PLD1: variants seen among roughly 807,000 people sequenced by gnomAD.
The protein encoded by PLD1 is phospholipase D1.
Under a neutral mutation model 137.1 loss-of-function variants are expected in PLD1, and 112 were observed. That is an observed-to-expected ratio of 0.82 (90% confidence interval 0.70 to 0.96). The LOEUF (loss-of-function observed/expected upper bound fraction) is 0.96. PLD1 is among the 40% of genes least tolerant of loss of function. The probability of loss-of-function intolerance (pLI) is 0.00; values close to 1 mark genes in which losing one functional copy is unlikely to be tolerated. For missense variants in PLD1, 1,321 were observed against 1,342.0 expected (o/e 0.98, Z 0.24); for synonymous variants, 431 against 454.7 (o/e 0.95, Z 0.66).
intron 23 of PLD1, among the ~76,000 whole-genome samples, chr3:171,629,929 T>A (rs1298661877): frequency 6.6e-6 from 1 of 151,988 alleles, no homozygotes; most frequent in African/African-American, 2.4e-5. Context: ...AACCTAGGCA[T>A]TACCATTCAG....
At chr3:171,730,366 G>T (rs959384964) in intron 6 of PLD1, among the ~76,000 whole-genome samples, 1 of 151,398 alleles carries the variant, frequency 6.6e-6, no homozygotes, top group Non-Finnish European at 1.5e-5. Context: ...GCAACTGTCT[G>T]ATCATGACTA....
At chr3:171,638,427 C>T (rs1212096134) in intron 23 of PLD1, among the ~76,000 whole-genome samples, 1 of 152,138 alleles carries the variant, frequency 6.6e-6, no homozygotes, top group African/African-American at 2.4e-5. Context: ...TTTTCAGCTC[C>T]ATTATAATCT....
intron 24 of PLD1, among the ~76,000 whole-genome samples, chr3:171,613,201 G>GAAGA (rs752245408): frequency 1.3e-5 from 2 of 152,148 alleles, no homozygotes; most frequent in Non-Finnish European, 2.9e-5. Flanking sequence ...AATTAAAAAA[G>GAAGA]AAGAAAGATT....
chr3:171,704,264 A>C (rs1038531580), intron 11 of PLD1, among the ~76,000 whole-genome samples: 3 of 152,188 alleles, frequency 2.0e-5, no homozygotes, highest in Non-Finnish European at 4.4e-5. Context: ...AGGCATTAAC[A>C]ACAAAACCGG....
chr3:171,795,997 A>G (rs1369910946), intron 1 of PLD1, among the ~76,000 whole-genome samples: 1 of 152,166 alleles, frequency 6.6e-6, no homozygotes, highest in Non-Finnish European at 1.5e-5. Context: ...ACTTCCTAGG[A>G]TATATGGACT....
intron 20 of PLD1, 45 bp downstream of exon 20, chr3:171,662,015 A>T: frequency 9.5e-7 from 1 of 1,050,456 alleles, no homozygotes; most frequent in Non-Finnish European, 1.5e-6. Context: ...CATGATATTT[A>T]AGGGAAGGCA....
At chr3:171,764,828 AAAG>A (rs537982155) in intron 1 of PLD1, among the ~76,000 whole-genome samples, 1,886 of 25,932 alleles carry the variant, frequency 0.073, 644 homozygotes, top group Middle Eastern at 0.1. Context: ...AAAGAAAGAG[AAAG>A]AAAGAAAGAA....
At chr3:171,773,648 G>A (rs1351367631) in intron 1 of PLD1, among the ~76,000 whole-genome samples, 1 of 152,030 alleles carries the variant, frequency 6.6e-6, no homozygotes, top group Non-Finnish European at 1.5e-5. Flanking sequence ...AATAAGGATA[G>A]CTATTATATA....
intron 1 of PLD1, among the ~76,000 whole-genome samples, chr3:171,751,966 G>C (rs1456840115): frequency 2.0e-5 from 3 of 150,098 alleles, no homozygotes; most frequent in Non-Finnish European, 4.4e-5. Context: ...TCGCGCCACT[G>C]TACTCCAGCC....
chr3:171,628,297 G>A (rs201516859), intron 23 of PLD1, among the ~76,000 whole-genome samples: 3 of 152,164 alleles, frequency 2.0e-5, no homozygotes, highest in East Asian at 1.9e-4. Context: ...TACACCCTTC[G>A]AAGACTAAAC....
At chr3:171,754,561 C>A (rs757087394) in intron 1 of PLD1, among the ~76,000 whole-genome samples, 1 of 152,226 alleles carries the variant, frequency 6.6e-6, no homozygotes. Context: ...ATAAACTATC[C>A]TCATCAAAAT....
At position 171,674,556 on chromosome 3, in the gene PLD1, T is replaced by C. The variant is rs773778734; in HGVS notation, c.2173A>G (p.Thr725Ala). Residue 725 changes from threonine to alanine, a missense_variant, in exon 19 of 27, where the codon ACA becomes GCA. Coordinates refer to ENST00000351298, the MANE Select transcript of PLD1 (RefSeq NM_002662.5). ...SYPFLLPKSQ[T>A]TAHELRYQVP... ...TGATATCTCAACTCATGGGCTGTTG[T>C]TTGAGACTTTGGAAGCAGAAAAGGA... is the stretch of plus-strand genomic sequence containing the variant. 8.1e-6 allele frequency: 13 copies of C among 1,611,766 alleles called. No homozygotes were observed. The East Asian group carries it at 2.9e-4, about 36-fold the overall frequency.
Position 171,692,434 on chromosome 3 carries a change from T to A in PLD1, c.1236A>T (p.Gly412=). 1 of 1,545,044 alleles carries A rather than the reference T, an allele frequency of 6.5e-7. No homozygotes were observed. The highest frequency in any genetic ancestry group is 9.0e-7 in the Non-Finnish European group (1 of 1,117,316). ...TGTAGAGCATTATGAAGATCCTCACTCCTTGTTGCTGTCACAGGAGAAAAC... is the reference window on the plus strand; with the variant it reads ...TGTAGAGCATTATGAAGATCCTCACACCTTGTTGCTGTCACAGGAGAAAAC... The part of the protein sequence containing the change: ...DCILKRKAQQ[G]VRIFIMLYKE... Residue 412 remains glycine (G), a synonymous_variant, in exon 13 of 27, where the codon GGA becomes GGT. Coordinates refer to ENST00000351298, the MANE Select transcript of PLD1 (RefSeq NM_002662.5).
chr3:171,776,342 C>T (rs769991389), intron 1 of PLD1, among the ~76,000 whole-genome samples: 5 of 152,142 alleles, frequency 3.3e-5, no homozygotes, highest in Admixed American at 6.5e-5. Context: ...TGGGTGCCCA[C>T]CCAAATGATG....
intron 16 of PLD1, among the ~76,000 whole-genome samples, chr3:171,680,730 G>A (rs1351040407): frequency 6.6e-6 from 1 of 152,060 alleles, no homozygotes; most frequent in African/African-American, 2.4e-5. Context: ...GATTTCTGCT[G>A]TCTGTGTGTA....
intron 1 of PLD1, among the ~76,000 whole-genome samples, chr3:171,753,617 C>G (rs957238560): frequency 6.6e-6 from 1 of 152,150 alleles, no homozygotes; most frequent in African/African-American, 2.4e-5. Context: ...ATGTCCCTCA[C>G]CTTATTTGTG....
intron 6 of PLD1, 51 bp from the exon 7 acceptor site, chr3:171,726,127 A>T: frequency 7.9e-7 from 1 of 1,258,838 alleles, no homozygotes; most frequent in Non-Finnish European, 1.2e-6. Context: ...ATTCAAATTT[A>T]TGCATTAAAA....
Position 171,656,780 on chromosome 3 carries a change from C to T in PLD1, c.2429+2433G>A, listed in dbSNP as rs75621682. On this transcript the variant is annotated intron_variant, in intron 21 of 26. Transcript: ENST00000351298. ...TCACCATGGGATCAAGACATCCATC[C>T]CATCAGCTACTGAGCATGTAGGCCA... Among the ~76,000 whole-genome samples the T allele has an allele frequency of 6.8e-3, 1,043 of 152,292 alleles. 11 individuals carry two copies. The highest frequency in any genetic ancestry group is 0.02 in the African/African-American group (823 of 41,564).
At chr3:171,782,763 T>A (rs754577504) in intron 1 of PLD1, among the ~76,000 whole-genome samples, 5 of 152,078 alleles carry the variant, frequency 3.3e-5, no homozygotes, top group Non-Finnish European at 7.4e-5. Context: ...GGAACAAAGA[T>A]ATGAGGCAAA....
Sources: allele counts gnomAD v4.1 joint callset (sites outside exome capture counted in the v4.1 genomes callset), GRCh38; gene constraint gnomAD v4.1.1; transcripts MANE v1.5; gene names NCBI Gene and HGNC (gene_info 2026-07-23, HGNC 2026-07-21).